SYT1: variants seen among roughly 807,000 people sequenced by gnomAD.
SYT1 encodes synaptotagmin-1.
In SYT1, 8 loss-of-function variants were observed where a neutral mutation model predicts 44.8. The observed-to-expected ratio is 0.18, with a 90% CI of 0.10 to 0.32. SYT1 has a LOEUF of 0.32. SYT1 is among the 10% of genes least tolerant of loss of function. The pLI is 1.00. For missense variants in SYT1, 286 were observed against 509.3 expected (o/e 0.56, Z 4.22); for synonymous variants, 154 against 188.8 (o/e 0.82, Z 1.51).
intron 3 of SYT1, among the ~76,000 whole-genome samples, chr12:79,116,326 T>TTAG (rs1267637820): frequency 1.3e-5 from 2 of 152,296 alleles, no homozygotes; most frequent in East Asian, 3.9e-4. Context: ...AGGATTGGTA[T>TTAG]TAGTGTTCAG....
At chr12:79,115,643 CT>C (rs1423453512) in intron 3 of SYT1, among the ~76,000 whole-genome samples, 2 of 152,172 alleles carry the variant, frequency 1.3e-5, no homozygotes, top group Non-Finnish European at 2.9e-5. Flanking sequence ...ACATCTTGTT[CT>C]TTCCACAGAA....
chr12:78,871,510 G>A (rs118044058), intron 1 of SYT1, among the ~76,000 whole-genome samples: 3,190 of 151,834 alleles, frequency 0.021, 68 homozygotes, highest in Non-Finnish European at 0.036. Context: ...TATGAAATAC[G>A]GAAACTGCCT....
At chr12:79,175,064 T>G (rs1871775344) in intron 3 of SYT1, among the ~76,000 whole-genome samples, 1 of 152,126 alleles carries the variant, frequency 6.6e-6, no homozygotes, top group Non-Finnish European at 1.5e-5. Flanking sequence ...TATGTACTTC[T>G]AAGCTAATGG....
intron 3 of SYT1, among the ~76,000 whole-genome samples, chr12:79,172,943 A>G (rs991960069): frequency 8.0e-6 from 1 of 125,482 alleles, no homozygotes; most frequent in South Asian, 2.8e-4. Flanking sequence ...ACTACATGTA[A>G]TTCAGGTTAC....
intron 1 of SYT1, among the ~76,000 whole-genome samples, chr12:78,900,646 A>T (rs1020055534): frequency 6.6e-6 from 1 of 152,114 alleles, no homozygotes; most frequent in African/African-American, 2.4e-5. Flanking sequence ...AAGGAAGTGG[A>T]GAAGAGGCTA....
chr12:79,284,736 C>G (rs576401329), intron 4 of SYT1, among the ~76,000 whole-genome samples: 6 of 151,148 alleles, frequency 4.0e-5, no homozygotes, highest in African/African-American at 1.5e-4. Context: ...CTACTCGGGA[C>G]GCTGAGGCAG....
intron 4 of SYT1, among the ~76,000 whole-genome samples, chr12:79,264,331 C>A (rs1055214883): frequency 2.0e-5 from 3 of 151,784 alleles, no homozygotes; most frequent in African/African-American, 7.3e-5. Context: ...TGGCGCCCAC[C>A]ACCACACCTG....
chr12:78,872,887 T>G (rs562188589), intron 1 of SYT1, among the ~76,000 whole-genome samples: 1 of 151,910 alleles, frequency 6.6e-6, no homozygotes, highest in Admixed American at 6.6e-5. Context: ...ATCATATGAA[T>G]GTTTTTAAAA....
chr12:78,948,449 A>G (rs760339009), intron 1 of SYT1, among the ~76,000 whole-genome samples: 1 of 152,004 alleles, frequency 6.6e-6, no homozygotes, highest in Non-Finnish European at 1.5e-5. Flanking sequence ...TAATGAAAAT[A>G]TACTATTATT....
At chr12:78,982,166 T>C (rs968212252) in intron 2 of SYT1, among the ~76,000 whole-genome samples, 4 of 152,206 alleles carry the variant, frequency 2.6e-5, no homozygotes, top group Non-Finnish European at 5.9e-5. Context: ...TACATTCAAA[T>C]TGAAGACCTG....
chr12:79,209,019 G>A (rs1874287429), intron 3 of SYT1, among the ~76,000 whole-genome samples: 1 of 152,150 alleles, frequency 6.6e-6, no homozygotes, highest in Non-Finnish European at 1.5e-5. Context: ...GGTGTTTTAG[G>A]TTAGCCAAAC....
At chr12:79,226,272 C>T (rs1336958417) in intron 4 of SYT1, among the ~76,000 whole-genome samples, 1 of 152,184 alleles carries the variant, frequency 6.6e-6, no homozygotes, top group Non-Finnish European at 1.5e-5. Context: ...ACAACTCCTC[C>T]ATCTTTTAGC....
chr12:79,104,721 G>A (rs2138066571), intron 3 of SYT1, among the ~76,000 whole-genome samples: 2 of 151,932 alleles, frequency 1.3e-5, no homozygotes, highest in Middle Eastern at 6.9e-3. Flanking sequence ...TTCAGATACT[G>A]ATAAATTCTA....
intron 9 of SYT1, among the ~76,000 whole-genome samples, chr12:79,378,414 T>C (rs181333074): frequency 1.1e-4 from 16 of 152,330 alleles, no homozygotes; most frequent in African/African-American, 2.9e-4. Flanking sequence ...ACAACCTTTT[T>C]GATTCTTCTT....
At chr12:78,960,691 G>C (rs1879456053) in intron 1 of SYT1, 1 of 152,202 alleles carries the variant, frequency 6.6e-6, no homozygotes, top group South Asian at 2.1e-4. Context: ...AATAGGGTTA[G>C]AGATGGCTTC....
At chr12:79,246,248 A>G (rs1289645253) in intron 4 of SYT1, among the ~76,000 whole-genome samples, 1 of 152,154 alleles carries the variant, frequency 6.6e-6, no homozygotes, top group South Asian at 2.1e-4. Flanking sequence ...CTCTTTTTCA[A>G]TGTAGTACTT....
At chr12:78,866,643 G>C (rs1323437873) in intron 1 of SYT1, among the ~76,000 whole-genome samples, 1 of 152,094 alleles carries the variant, frequency 6.6e-6, no homozygotes, top group Admixed American at 6.5e-5. Flanking sequence ...ATGGAAGGAG[G>C]TATAGAGAAA....
intron 4 of SYT1, among the ~76,000 whole-genome samples, chr12:79,250,526 T>A (rs1877137303): frequency 6.6e-6 from 1 of 152,228 alleles, no homozygotes. Flanking sequence ...GCAGTGTTTT[T>A]ATATCTGTGG....
chr12:78,985,624 T>C (rs182712255), intron 2 of SYT1, among the ~76,000 whole-genome samples: 1 of 151,642 alleles, frequency 6.6e-6, no homozygotes, highest in African/African-American at 2.4e-5. Context: ...GATAACAAAT[T>C]CTTTATGTTC....
Sources: allele counts gnomAD v4.1 joint callset (sites outside exome capture counted in the v4.1 genomes callset), GRCh38; gene constraint gnomAD v4.1.1; transcripts MANE v1.5; gene names NCBI Gene and HGNC (gene_info 2026-07-23, HGNC 2026-07-21).